The following ZFYVE28 variants were observed in gnomAD, a reference collection of about 807,000 sequenced individuals.
The protein encoded by ZFYVE28 is zinc finger FYVE-type containing 28, also known as lateral signaling target protein 2 homolog.
A neutral mutation model predicts 82.1 loss-of-function variants in ZFYVE28; 40 were observed. That is an observed-to-expected ratio of 0.49 (90% CI 0.38 to 0.63). The LOEUF (loss-of-function observed/expected upper bound fraction) is 0.63. Among genes scored for constraint, ZFYVE28 ranks in the 30% least tolerant of loss-of-function variants. ZFYVE28 has a pLI of 0.00. For missense variants in ZFYVE28, 1,321 were observed against 1,242.1 expected, an observed-to-expected ratio of 1.06 and a Z score of -0.96; for synonymous variants, 612 against 546.1, an observed-to-expected ratio of 1.12 and a Z score of -1.68.
chr4:2,367,880 T>A (rs1269210453), intron 1 of ZFYVE28, among the ~76,000 whole-genome samples: 1 of 152,136 alleles, frequency 6.6e-6, no homozygotes, highest in African/African-American at 2.4e-5. Flanking sequence ...TGGTTGCTCC[T>A]CTAATCACGG....
Position 2,360,107 on chromosome 4 carries a change from C to T in ZFYVE28, c.40-6034G>A, listed in dbSNP as rs149285899. On this transcript the variant is annotated intron_variant, in intron 1 of 12. Coordinates refer to ENST00000290974, the MANE Select transcript of ZFYVE28 (RefSeq NM_020972.3). ...GATGTCTAGGGGCCATGGGCTCTGACGGTATAATTGCCTGCGCGTGGGAAA... is the reference window on the plus strand; with the variant it reads ...GATGTCTAGGGGCCATGGGCTCTGATGGTATAATTGCCTGCGCGTGGGAAA... 2.4e-4 allele frequency among the ~76,000 whole-genome samples: 37 copies of T among 152,208 alleles called. No individual in the cohort carries two copies. In the East Asian group the frequency reaches 6.8e-3, roughly 28 times the overall value.
intron 8 of ZFYVE28, among the ~76,000 whole-genome samples, chr4:2,281,610 C>G (rs1409959487): frequency 6.6e-6 from 1 of 152,206 alleles, no homozygotes; most frequent in African/African-American, 2.4e-5. Context: ...CTCAGGAGGG[C>G]AAAGCCTTCA....
chr4:2,392,564 T>C (rs1463961391), intron 1 of ZFYVE28, among the ~76,000 whole-genome samples: 1 of 152,196 alleles, frequency 6.6e-6, no homozygotes, highest in Non-Finnish European at 1.5e-5. Context: ...GATAGATTCA[T>C]CCTCTACAGT....
intron 7 of ZFYVE28, among the ~76,000 whole-genome samples, chr4:2,314,998 A>C (rs1718001860): frequency 6.6e-6 from 1 of 151,990 alleles, no homozygotes; most frequent in South Asian, 2.1e-4. Flanking sequence ...CTGGTCTCAA[A>C]CTCCTGAGGT....
rs60433421 is a variant in ZFYVE28, at chr4:2,377,880, C to T, written c.40-23807G>A. 2.6e-3 allele frequency among the ~76,000 whole-genome samples: 390 copies of T among 152,308 alleles called. 10 individuals carry two copies. In the East Asian group the frequency reaches 0.063, roughly 25 times the overall value. On this transcript the variant is annotated intron_variant, in intron 1 of 12. Coordinates refer to ENST00000290974, the MANE Select transcript of ZFYVE28 (RefSeq NM_020972.3). ...ACATCAGAGAATGGACTTCCACAAG[C>T]CTAGATGACCCCGCCTCCGACAGAC... is the stretch of plus-strand genomic sequence containing the variant.
chr4:2,331,455 A>G (rs1195245655), intron 6 of ZFYVE28, among the ~76,000 whole-genome samples: 1 of 152,116 alleles, frequency 6.6e-6, no homozygotes, highest in Non-Finnish European at 1.5e-5. Context: ...CAGCCTGGAC[A>G]ACACAGCAAG....
chr4:2,275,960 A>G (rs1736394633), intron 8 of ZFYVE28, among the ~76,000 whole-genome samples: 1 of 152,212 alleles, frequency 6.6e-6, no homozygotes, highest in South Asian at 2.1e-4. Flanking sequence ...ACGGAGGCGG[A>G]GGCGAGCCAG....
intron 8 of ZFYVE28, among the ~76,000 whole-genome samples, chr4:2,293,530 G>C (rs1292570790): frequency 6.6e-6 from 1 of 152,088 alleles, no homozygotes; most frequent in Non-Finnish European, 1.5e-5. Context: ...GAGGCAGGTG[G>C]ATCACGAGGT....
chr4:2,353,635 C>T (rs1724798567), intron 2 of ZFYVE28, among the ~76,000 whole-genome samples: 1 of 152,162 alleles, frequency 6.6e-6, no homozygotes, highest in South Asian at 2.1e-4. Flanking sequence ...CAGGCCCACC[C>T]CTCCCACACT....
chr4:2,285,141 G>A lies in ZFYVE28; in HGVS notation c.2052-10925C>T, dbSNP rs1045447939. On this transcript the variant is annotated intron_variant, in intron 8 of 12. Transcript: ENST00000290974. ...CCCACACCTGGGCAGAACCCCACGT[G>A]GACTGAAGGCAGGGACTGGAGTGAT... Among the ~76,000 whole-genome samples the A allele has an allele frequency of 2.0e-5, 3 of 152,000 alleles. No individual in the cohort carries two copies. In the East Asian group the frequency reaches 5.8e-4, roughly 29 times the overall value.
chr4:2,297,353 G>A (rs564578254), intron 8 of ZFYVE28, among the ~76,000 whole-genome samples: 3 of 152,290 alleles, frequency 2.0e-5, no homozygotes, highest in African/African-American at 4.8e-5. Context: ...GCTCTCCTCC[G>A]TGACACCTCT....
At chr4:2,384,768 A>T (rs939379471) in intron 1 of ZFYVE28, among the ~76,000 whole-genome samples, 3 of 152,220 alleles carry the variant, frequency 2.0e-5, no homozygotes, top group African/African-American at 7.2e-5. Flanking sequence ...TTAATTCAGC[A>T]TAGGAAAAGA....
intron 1 of ZFYVE28, among the ~76,000 whole-genome samples, chr4:2,378,364 T>C (rs1449118011): frequency 6.6e-6 from 1 of 152,186 alleles, no homozygotes; most frequent in African/African-American, 2.4e-5. Context: ...AATATCGTTA[T>C]CATAACTTAT....
intron 8 of ZFYVE28, among the ~76,000 whole-genome samples, chr4:2,279,597 A>AG: frequency 6.6e-6 from 1 of 151,930 alleles, no homozygotes; most frequent in Non-Finnish European, 1.5e-5. Context: ...GGCTAACACG[A>AG]TGAAACCCTG....
In ZFYVE28 at chr4:2,305,462, T is replaced by C. The variant is rs761942405; in HGVS notation, c.878A>G (p.Glu293Gly). 6.2e-7 allele frequency: 1 copy of C among 1,612,972 alleles called. No homozygotes were observed. The highest frequency in any genetic ancestry group is 8.5e-7 in the Non-Finnish European group (1 of 1,180,034). The change falls in exon 8 of 13, where the codon GAG becomes GGG. Residue 293 changes from glutamate (E) to glycine (G), a missense_variant. Around this residue, in one of 2 missense-constraint regions of ZFYVE28, gnomAD observed 978 missense variants for 833.7 expected, o/e 1.17. Transcript: ENST00000290974. ...CTGCACGTCTGCGCGGATGGGGAAC[T>C]CCACGTCTTGGGAAATGCAGAGGTT... is the stretch of plus-strand genomic sequence containing the variant. ...ERNLCISQDV[E>G]FPIRADVQGP...
At chr4:2,338,503 G>C (rs1722217664) in intron 4 of ZFYVE28, among the ~76,000 whole-genome samples, 2 of 152,212 alleles carry the variant, frequency 1.3e-5, no homozygotes, top group African/African-American at 4.8e-5. Flanking sequence ...CGAGGCAGGA[G>C]AATGGCTTGA....
intron 7 of ZFYVE28, among the ~76,000 whole-genome samples, chr4:2,312,536 G>A (rs368915970): frequency 1.1e-4 from 17 of 151,824 alleles, no homozygotes; most frequent in South Asian, 8.3e-4. Context: ...AGACCATCCC[G>A]GCTAACATGG....
At chr4:2,359,206 C>T (rs1725778429) in intron 1 of ZFYVE28, among the ~76,000 whole-genome samples, 1 of 151,574 alleles carries the variant, frequency 6.6e-6, no homozygotes, top group Admixed American at 6.6e-5. Flanking sequence ...TGGTCTCGAT[C>T]ACCTGACTTC....
chr4:2,320,133 C>T lies in ZFYVE28; in HGVS notation c.803+37G>A, dbSNP rs199617799. ...GCGCCCACCTGTGGCCCTCCTGTCC[C>T]CCTCCCCTCCCCCACCTCCTCTAGC... is the stretch of plus-strand genomic sequence containing the variant. On this transcript the variant is annotated intron_variant, in intron 7 of 12. Coordinates refer to ENST00000290974, the MANE Select transcript of ZFYVE28 (RefSeq NM_020972.3). The surrounding 1 kb of genome is among the most constrained non-coding windows in gnomAD (Gnocchi z 5.1). The T allele has an allele frequency of 2.5e-6, 4 of 1,582,608 alleles. No homozygotes were observed. The highest frequency in any genetic ancestry group is 1.7e-5 in the Admixed American group (1 of 59,758).
Sources: gnomAD v4.1 joint callset for allele counts (sites outside exome capture counted in the v4.1 genomes callset) on GRCh38, gnomAD v4.1.1 for gene constraint, gnomAD v4.1.1 regional missense constraint, Gnocchi (gnomAD v3.1) non-coding constraint, MANE v1.5 for transcripts, NCBI Gene and HGNC (gene_info 2026-07-23, HGNC 2026-07-21) for gene names.